Variants in QPCTL observed in about 807,000 individuals in gnomAD.
QPCTL encodes glutaminyl-peptide cyclotransferase-like protein.
In QPCTL, 31 loss-of-function variants were observed where a neutral mutation model predicts 34.6. That is an observed-to-expected ratio of 0.90 (90% CI 0.67 to 1.21). QPCTL has a LOEUF of 1.21. Among genes scored for constraint, QPCTL ranks in the 50% most tolerant of loss-of-function variants. QPCTL has a pLI of 0.00. For missense variants in QPCTL, 474 were observed against 507.8 expected, an observed-to-expected ratio of 0.93 and a Z score of 0.64; for synonymous variants, 223 against 226.9, an observed-to-expected ratio of 0.98 and a Z score of 0.15.
intron 3 of QPCTL, among the ~76,000 whole-genome samples, chr19:45,697,010 C>T (rs899539314): frequency 6.6e-6 from 1 of 152,004 alleles, no homozygotes; most frequent in Non-Finnish European, 1.5e-5. Flanking sequence ...AATCCTACTA[C>T]TTGGGAGGTT....
At position 45,692,909 on chromosome 19, in the gene QPCTL, G is replaced by T; in HGVS notation, c.206G>T (p.Arg69Leu). 6.5e-7 allele frequency: 1 copy of T among 1,536,874 alleles called. No individual in the cohort carries two copies. ...GAGCTGCCGCTGGGCCGGGAGCTGC[G>T]GGTGAGGCTGGGCGGGGACCCGGGC... ...TEELPLGREL[R>L]VPLIGSLPEA... Residue 69 changes from arginine (R) to leucine (L), a missense_variant and splice_region_variant, in exon 1 of 7, where the codon CGG becomes CTG. Transcript: ENST00000012049.
intron 5 of QPCTL, among the ~76,000 whole-genome samples, chr19:45,700,574 T>A (rs1368321430): frequency 1.3e-5 from 2 of 152,166 alleles, no homozygotes; most frequent in African/African-American, 4.8e-5. Flanking sequence ...ACAGGGGCTC[T>A]AAGGTGAGAC....
In QPCTL at chr19:45,695,534, AT is replaced by A; in HGVS notation, c.450del (p.Asn150LysfsTer33). On this transcript the variant is annotated frameshift_variant, in exon 3 of 7. Transcript: ENST00000012049. LOFTEE classifies it high-confidence loss of function. Reference protein sequence around the residue: ...STPLGPVDFGNVVATLDPRAA... With the variant: ...STPLGPVDFGXVVATLDPRAA... ...CCCCTGGGGCCAGTGGACTTTGGCA[AT>A]GTGGTGGCCACACTGGACCCAAGGG... is the stretch of plus-strand genomic sequence containing the variant. The A allele has an allele frequency of 3.1e-6, 5 of 1,614,092 alleles. No individual in the cohort carries two copies. Among genetic ancestry groups the A allele is most frequent in the Non-Finnish European group, 4.2e-6 (5 of 1,180,014 alleles).
chr19:45,701,450 AT>A (rs1967809726), intron 5 of QPCTL, among the ~76,000 whole-genome samples: 1 of 151,824 alleles, frequency 6.6e-6, no homozygotes, highest in South Asian at 2.1e-4. Context: ...TAATTTTTGT[AT>A]TTTTAGTAGA....
intron 2 of QPCTL, among the ~76,000 whole-genome samples, chr19:45,694,175 T>A (rs181853946): frequency 5.9e-4 from 90 of 151,820 alleles, no homozygotes; most frequent in Middle Eastern, 3.4e-3. Flanking sequence ...AGATCAGGAG[T>A]TTGAGACCAG....
chr19:45,698,700 G>GT lies in QPCTL; in HGVS notation c.786+2dup, dbSNP rs746015041. On this transcript the variant is annotated splice_donor_variant, in intron 4 of 6. Coordinates refer to ENST00000012049, the MANE Select transcript of QPCTL (RefSeq NM_017659.4). LOFTEE classifies it high-confidence loss of function. ...CGGCCCCACCAGGATCCAGGCTATT[G>GT]TAAGACCAGGGTCCCCTGGCTTCTG... 13 of 1,614,112 alleles carry GT rather than the reference G, an allele frequency of 8.1e-6. No individual in the cohort carries two copies. Among genetic ancestry groups the GT allele is most frequent in the South Asian group, 1.1e-5 (1 of 91,082 alleles).
At chr19:45,699,418 G>A (rs2146130492) in intron 5 of QPCTL, among the ~76,000 whole-genome samples, 1 of 151,986 alleles carries the variant, frequency 6.6e-6, no homozygotes, top group African/African-American at 2.4e-5. Context: ...AGCCTGGGAG[G>A]TCAAGGCTAT....
chr19:45,699,708 A>G (rs1432106823), intron 5 of QPCTL, among the ~76,000 whole-genome samples: 1 of 152,028 alleles, frequency 6.6e-6, no homozygotes, highest in African/African-American at 2.4e-5. Context: ...AAGCGGGTGG[A>G]TCACCTGAGG....
intron 1 of QPCTL, 77 bp downstream of exon 1, chr19:45,692,987 T>TA: frequency 2.1e-6 from 3 of 1,431,746 alleles, no homozygotes; most frequent in Non-Finnish European, 2.8e-6. Context: ...GACGTGGCTT[T>TA]AGCGTACGGC....
intron 5 of QPCTL, 131 bp downstream of exon 5, chr19:45,699,031 C>CTTTTTTTT (rs563977852): frequency 1.2e-5 from 4 of 332,016 alleles, no homozygotes; most frequent in Non-Finnish European, 2.1e-5. Context: ...GAGACCCCAT[C>CTTTTTTTT]TTTTTTTTTT....
At chr19:45,696,217 C>T (rs1373787019) in intron 3 of QPCTL, among the ~76,000 whole-genome samples, 3 of 152,106 alleles carry the variant, frequency 2.0e-5, no homozygotes, top group Non-Finnish European at 4.4e-5. Context: ...CTGTAGCCAC[C>T]CCCACCTCCT....
Position 45,701,853 on chromosome 19 carries a change from C to T in QPCTL, c.942C>T (p.Tyr314=). The part of the protein sequence containing the change: ...LLQSHPQEVM[Y]FQPGEPFGSV... ...AGTCTCATCCCCAGGAAGTGATGTA[C>T]TTCCAACCCGGGGAGCCCTTTGGCT... Residue 314 remains tyrosine, a synonymous_variant, in exon 6 of 7, where the codon TAC becomes TAT. Coordinates refer to ENST00000012049, the MANE Select transcript of QPCTL (RefSeq NM_017659.4). 4 of 1,614,102 alleles carry T rather than the reference C, an allele frequency of 2.5e-6. No homozygotes were observed. The highest frequency in any genetic ancestry group is 3.4e-6 in the Non-Finnish European group (4 of 1,179,992).
chr19:45,693,517 GC>G lies in QPCTL; in HGVS notation c.313del (p.Arg105GlufsTer22). The G allele has an allele frequency of 1.2e-6, 2 of 1,612,572 alleles. No individual in the cohort carries two copies. The highest frequency in any genetic ancestry group is 1.7e-6 in the Non-Finnish European group (2 of 1,179,216). The part of the protein sequence containing the change: ...STYLRPLLVV[R>X]TPGSPGNLQV... ...CTTATCTGCGCCCCCTGCTGGTTGT[GC>G]GAACCCCGGGCAGCCCGGGAAATCT... On this transcript the variant is annotated frameshift_variant, in exon 2 of 7. Transcript: ENST00000012049. LOFTEE classifies it high-confidence loss of function.
chr19:45,702,767 A>G, intron 6 of QPCTL, 137 bp from the exon 7 acceptor site: 1 of 1,076,448 alleles, frequency 9.3e-7, no homozygotes, highest in Non-Finnish European at 1.3e-6. Flanking sequence ...CTGTCTCAAA[A>G]AAAAAAAAAA....
intron 3 of QPCTL, 33 bp from the exon 4 acceptor site, chr19:45,698,514 C>T (rs779587733): frequency 6.2e-7 from 1 of 1,612,186 alleles, no homozygotes. Flanking sequence ...TAGTCCTGAG[C>T]TGGCTCTGGC....
At chr19:45,698,382 AT>A in intron 3 of QPCTL, 164 bp from the exon 4 acceptor site, 1 of 815,160 alleles carries the variant, frequency 1.2e-6, no homozygotes, top group South Asian at 1.9e-5. Flanking sequence ...TACGGATTTG[AT>A]CCCAGACAAC....
chr19:45,695,374 T>C, intron 2 of QPCTL, 63 bp from the exon 3 acceptor site: 1 of 1,478,608 alleles, frequency 6.8e-7, no homozygotes, highest in Middle Eastern at 2.2e-4. Context: ...TCAGGTCACG[T>C]GGCCCTTCTC....
chr19:45,702,986 A>C lies in QPCTL; in HGVS notation c.1086A>C (p.Pro362=). ...CGGACACCGAGGTCAATCTCCACCC[A>C]CCCACGGTACACAACTTGTGCCGCA... The part of the protein sequence containing the change: ...TPADTEVNLH[P]PTVHNLCRIL... Residue 362 remains proline (P), a synonymous_variant, in exon 7 of 7, where the codon CCA becomes CCC. Coordinates refer to ENST00000012049, the MANE Select transcript of QPCTL (RefSeq NM_017659.4). The C allele has an allele frequency of 6.2e-7, 1 of 1,613,910 alleles. No homozygotes were observed. The highest frequency in any genetic ancestry group is 8.5e-7 in the Non-Finnish European group (1 of 1,179,960).
In QPCTL at chr19:45,698,324, C is replaced by T. The variant is rs57925894; in HGVS notation, c.634-223C>T. Among the ~76,000 whole-genome samples the T allele has an allele frequency of 0.026, 4,014 of 152,226 alleles. 355 individuals are homozygous for T. The East Asian group carries it at 0.34, about 13-fold the overall frequency. On this transcript the variant is annotated intron_variant, in intron 3 of 6. Transcript: ENST00000012049. ...TTATAGATGAAGAAACTGATCCTTC[C>T]AGAAGTTAGTAACTTCCCCATGCCT...
Sources: gnomAD v4.1 joint callset for allele counts (sites outside exome capture counted in the v4.1 genomes callset) on GRCh38, gnomAD v4.1.1 for gene constraint, MANE v1.5 for transcripts, NCBI Gene and HGNC (gene_info 2026-07-23, HGNC 2026-07-21) for gene names.